The following STIM1 variants were observed in gnomAD, a reference collection of about 807,000 sequenced individuals.
STIM1 encodes the protein stromal interaction molecule 1.
STIM1 carries 25 observed loss-of-function variants against 74.7 expected under a neutral mutation model. That is an observed-to-expected ratio of 0.33 (90% CI 0.24 to 0.47). The LOEUF (loss-of-function observed/expected upper bound fraction) is 0.47. Among genes scored for constraint, STIM1 ranks in the 20% least tolerant of loss-of-function variants. The pLI is 1.00. For missense variants in STIM1, 728 were observed against 920.8 expected (o/e 0.79, Z 2.71); for synonymous variants, 328 against 348.8 (o/e 0.94, Z 0.66).
intron 3 of STIM1, among the ~76,000 whole-genome samples, chr11:4,050,402 G>T (rs922807559): frequency 6.6e-6 from 1 of 152,146 alleles, no homozygotes; most frequent in Non-Finnish European, 1.5e-5. Flanking sequence ...ATCGTAATAG[G>T]TGATCCTGTT....
chr11:3,980,047 AATT>A (rs2093486826), intron 2 of STIM1, among the ~76,000 whole-genome samples: 1 of 152,164 alleles, frequency 6.6e-6, no homozygotes, highest in Non-Finnish European at 1.5e-5. Flanking sequence ...TTTAGCACTT[AATT>A]AGAAATTGCC....
rs78458244 is a variant in STIM1, at chr11:4,067,386, A to C, written c.614-2640A>C. Among the ~76,000 whole-genome samples, 114 of 152,332 alleles carry C rather than the reference A, an allele frequency of 7.5e-4. No homozygotes were observed. The East Asian group carries it at 0.021, about 28-fold the overall frequency. On this transcript the variant is annotated intron_variant, in intron 5 of 12. Transcript: ENST00000526596. The stretch of plus-strand genomic sequence containing the variant: ...TATTCACTGCCCTGATGGCAATGCC[A>C]CTATCAGCTTCCAGGATATTGTGTG...
intron 1 of STIM1, chr11:3,921,923 A>G (rs1280452085): frequency 6.6e-6 from 1 of 152,184 alleles, no homozygotes; most frequent in African/African-American, 2.4e-5. Context: ...TGAGTGAGCC[A>G]CCATGAAAGC....
intron 12 of STIM1, 70 bp downstream of exon 12, chr11:4,086,613 A>C (rs772941189): frequency 6.2e-7 from 1 of 1,600,370 alleles, no homozygotes; most frequent in Admixed American, 1.7e-5. Context: ...GCAGCCTTTC[A>C]TCTGGACAGT....
intron 1 of STIM1, among the ~76,000 whole-genome samples, chr11:3,916,288 T>A (rs11030253): frequency 0.5 from 70,176 of 140,986 alleles, 16,367 homozygotes; most frequent in African/African-American, 0.63. Context: ...GTCAGTAATG[T>A]TTTTTTTTTT....
intron 3 of STIM1, among the ~76,000 whole-genome samples, chr11:4,044,971 A>G (rs1482242379): frequency 6.6e-6 from 1 of 152,182 alleles, no homozygotes; most frequent in African/African-American, 2.4e-5. Flanking sequence ...GACAGCCTCC[A>G]CAACGAAGGA....
intron 3 of STIM1, among the ~76,000 whole-genome samples, chr11:4,028,409 C>G (rs1467649778): frequency 6.7e-6 from 1 of 148,748 alleles, no homozygotes; most frequent in Admixed American, 6.7e-5. Flanking sequence ...CTTTCTTTTT[C>G]TTTTCTTTTT....
intron 1 of STIM1, among the ~76,000 whole-genome samples, chr11:3,922,294 A>G (rs556316857): frequency 1.3e-5 from 2 of 152,242 alleles, no homozygotes; most frequent in African/African-American, 2.4e-5. Context: ...CTTTTGACAT[A>G]TGTATGAATA....
At chr11:4,030,050 G>A (rs1018217982) in intron 3 of STIM1, among the ~76,000 whole-genome samples, 3 of 152,084 alleles carry the variant, frequency 2.0e-5, no homozygotes, top group African/African-American at 4.8e-5. Flanking sequence ...CATCCAGGCC[G>A]GGTGCGGTGG....
intron 3 of STIM1, among the ~76,000 whole-genome samples, chr11:4,032,544 C>G (rs1340501568): frequency 6.6e-6 from 1 of 152,088 alleles, no homozygotes; most frequent in Non-Finnish European, 1.5e-5. Flanking sequence ...CTGTCAATTT[C>G]TACAAAAAAG....
intron 1 of STIM1, among the ~76,000 whole-genome samples, chr11:3,955,175 C>A (rs2093195849): frequency 6.6e-6 from 1 of 152,000 alleles, no homozygotes; most frequent in African/African-American, 2.4e-5. Flanking sequence ...ACAGGCAAAA[C>A]TAGTTTATAG....
At chr11:4,026,026 T>G (rs113225875) in intron 3 of STIM1, among the ~76,000 whole-genome samples, 1 of 152,190 alleles carries the variant, frequency 6.6e-6, no homozygotes, top group Admixed American at 6.5e-5. Flanking sequence ...TTCCTCCCAA[T>G]AATTTGCTTC....
At chr11:4,034,144 G>A (rs112930696) in intron 3 of STIM1, among the ~76,000 whole-genome samples, 3,598 of 151,832 alleles carry the variant, frequency 0.024, 144 homozygotes, top group African/African-American at 0.083. Context: ...CAGGAGAATC[G>A]CTTGAACCCA....
At chr11:3,948,630 G>A (rs1193730384) in intron 1 of STIM1, among the ~76,000 whole-genome samples, 1 of 152,194 alleles carries the variant, frequency 6.6e-6, no homozygotes, top group Non-Finnish European at 1.5e-5. Context: ...ATAAGCAGGT[G>A]TCAGTTGTGC....
chr11:3,885,973 G>A (rs765529640), intron 1 of STIM1, among the ~76,000 whole-genome samples: 8 of 152,178 alleles, frequency 5.3e-5, no homozygotes, highest in African/African-American at 1.9e-4. Flanking sequence ...GAGCATGATC[G>A]TAGGCAAGGG....
intron 3 of STIM1, among the ~76,000 whole-genome samples, chr11:4,044,439 T>C (rs780888290): frequency 1.6e-4 from 24 of 152,192 alleles, no homozygotes; most frequent in Non-Finnish European, 2.4e-4. Context: ...TGCTTGAACC[T>C]TGGGGACAGG....
At chr11:3,912,169 C>G (rs1386714431) in intron 1 of STIM1, among the ~76,000 whole-genome samples, 1 of 107,130 alleles carries the variant, frequency 9.3e-6, no homozygotes, top group Non-Finnish European at 2.0e-5. Context: ...CTCCCCTCCC[C>G]TCTCCTCCTT....
At chr11:4,041,318 C>T (rs777975133) in intron 3 of STIM1, among the ~76,000 whole-genome samples, 21 of 152,190 alleles carry the variant, frequency 1.4e-4, no homozygotes, top group Non-Finnish European at 2.1e-4. Flanking sequence ...ATATTCACCT[C>T]TGTGCTGGTT....
At chr11:3,872,682 C>T (rs894050895) in intron 1 of STIM1, among the ~76,000 whole-genome samples, 6 of 151,688 alleles carry the variant, frequency 4.0e-5, no homozygotes, top group Non-Finnish European at 7.4e-5. Flanking sequence ...CCACCACGCC[C>T]GGCTAATTTT....
Sources: gnomAD v4.1 joint callset for allele counts (sites outside exome capture counted in the v4.1 genomes callset) on GRCh38, gnomAD v4.1.1 for gene constraint, MANE v1.5 for transcripts, NCBI Gene and HGNC (gene_info 2026-07-23, HGNC 2026-07-21) for gene names.